Variants in RARB observed in about 807,000 individuals in gnomAD.
RARB encodes retinoic acid receptor beta.
Under a neutral mutation model 51.9 loss-of-function variants are expected in RARB, and 17 were observed. That is an observed-to-expected ratio of 0.33 (90% CI 0.22 to 0.49). RARB has a LOEUF of 0.49. Ranked by LOEUF, RARB falls within the 20% of genes least tolerant of loss-of-function variation. The pLI, the probability that RARB is intolerant of heterozygous loss-of-function variation, is 0.99. For missense variants in RARB, 369 were observed against 550.8 expected, an observed-to-expected ratio of 0.67 and a Z score of 3.30; for synonymous variants, 215 against 195.4, an observed-to-expected ratio of 1.10 and a Z score of -0.84.
At chr3:25,429,127 A>C (rs532834122) in intron 1 of RARB, among the ~76,000 whole-genome samples, 2 of 152,284 alleles carry the variant, frequency 1.3e-5, no homozygotes, top group South Asian at 2.1e-4. Context: ...CCAACCTTAT[A>C]GTCTCTTGAA....
chr3:25,571,009 G>A (rs573437121), intron 4 of RARB, among the ~76,000 whole-genome samples: 12 of 152,060 alleles, frequency 7.9e-5, no homozygotes, highest in African/African-American at 2.2e-4. Flanking sequence ...GGTGTAGTGC[G>A]CTAGGATGTT....
chr3:25,569,682 G>A, intron 3 of RARB, 76 bp from the exon 4 acceptor site: 2 of 1,493,586 alleles, frequency 1.3e-6, no homozygotes, highest in Admixed American at 2.1e-5. Flanking sequence ...GCAGCCTTGG[G>A]AGGTGGAACC....
chr3:25,239,863 C>A lies in RARB; in HGVS notation c.178+65288C>A, dbSNP rs374061202. ...TATTTTGACAGAGATTGCACTGAATCTGTAAGTTGCTTTGGGTAGTATCTT... is the reference window on the plus strand; with the variant it reads ...TATTTTGACAGAGATTGCACTGAATATGTAAGTTGCTTTGGGTAGTATCTT... On this transcript the variant is annotated intron_variant, in intron 5 of 11. Transcript: ENST00000383772. 1.2e-3 allele frequency among the ~76,000 whole-genome samples: 177 copies of A among 152,182 alleles called. 1 individual carries two copies. The highest frequency in any genetic ancestry group is 3.4e-3 in the Middle Eastern group (1 of 294).
At chr3:25,205,886 G>A (rs1701530979) in intron 5 of RARB, among the ~76,000 whole-genome samples, 1 of 151,966 alleles carries the variant, frequency 6.6e-6, no homozygotes, top group African/African-American at 2.4e-5. Context: ...TAGGACTACA[G>A]GCATGAGCCA....
chr3:25,221,417 A>G (rs548418526), intron 5 of RARB, among the ~76,000 whole-genome samples: 1 of 152,336 alleles, frequency 6.6e-6, no homozygotes, highest in East Asian at 1.9e-4. Flanking sequence ...CCACTGTGTC[A>G]GGCCCAGTAC....
chr3:25,364,227 C>G (rs552481233), intron 5 of RARB, among the ~76,000 whole-genome samples: 1 of 152,098 alleles, frequency 6.6e-6, no homozygotes, highest in African/African-American at 2.4e-5. Context: ...TGCTAAATCC[C>G]AAGTGCCTGG....
chr3:25,490,102 A>C (rs767224521), intron 2 of RARB, among the ~76,000 whole-genome samples: 3 of 152,192 alleles, frequency 2.0e-5, no homozygotes, highest in Non-Finnish European at 4.4e-5. Flanking sequence ...GTCAGACTTG[A>C]CTTAAATGTA....
chr3:25,430,440 T>C (rs1708155569), intron 1 of RARB, among the ~76,000 whole-genome samples: 1 of 152,210 alleles, frequency 6.6e-6, no homozygotes, highest in African/African-American at 2.4e-5. Context: ...AAAGTGGTAA[T>C]GAAACATGTT....
chr3:25,340,403 TAAA>T (rs1705193640), intron 5 of RARB, among the ~76,000 whole-genome samples: 3 of 152,186 alleles, frequency 2.0e-5, no homozygotes, highest in Admixed American at 6.6e-5. Context: ...CTGTTTTCTT[TAAA>T]ATTTTGAGTC....
rs373723552 is a variant in RARB at position 25,063,330 on chromosome 3, T to C, written c.-328+3154T>C. On this transcript the variant is annotated intron_variant, in intron 3 of 11. Transcript: ENST00000383772. ...TGATTTGAAGGTGTTATGTCTTCTG[T>C]ATCTCTTTGTAACTGAGAGATATCA... Among the ~76,000 whole-genome samples, 579 of 152,184 alleles carry C rather than the reference T, an allele frequency of 3.8e-3. 1 individual carries two copies. Among genetic ancestry groups the C allele is most frequent in the Middle Eastern group, 6.8e-3 (2 of 294 alleles).
intron 5 of RARB, among the ~76,000 whole-genome samples, chr3:25,382,355 T>C (rs1706653116): frequency 6.6e-6 from 1 of 152,212 alleles, no homozygotes; most frequent in South Asian, 2.1e-4. Flanking sequence ...TCAAAGTTGA[T>C]ACTCTTTAGG....
intron 2 of RARB, among the ~76,000 whole-genome samples, chr3:25,475,219 T>C (rs547779636): frequency 6.6e-6 from 1 of 152,306 alleles, no homozygotes; most frequent in South Asian, 2.1e-4. Context: ...CTTTGTTATT[T>C]GATTATTTTT....
chr3:25,260,878 A>G (rs1223906496), intron 5 of RARB, among the ~76,000 whole-genome samples: 1 of 152,148 alleles, frequency 6.6e-6, no homozygotes, highest in Non-Finnish European at 1.5e-5. Flanking sequence ...TGGCTCACGT[A>G]TGGAGAAAAT....
chr3:25,054,245 TG>T (rs1156634734), intron 2 of RARB, among the ~76,000 whole-genome samples: 3 of 150,392 alleles, frequency 2.0e-5, no homozygotes, highest in Admixed American at 6.6e-5. Flanking sequence ...TTCATTCAGA[TG>T]TTTTTTTGAC....
intron 2 of RARB, among the ~76,000 whole-genome samples, chr3:24,871,769 C>A (rs1238453095): frequency 6.6e-6 from 1 of 152,190 alleles, no homozygotes; most frequent in Non-Finnish European, 1.5e-5. Context: ...CCATGTATGG[C>A]TTCTCAGTTT....
At chr3:25,283,962 A>G (rs1436240) in intron 5 of RARB, among the ~76,000 whole-genome samples, 1 of 152,154 alleles carries the variant, frequency 6.6e-6, no homozygotes, top group African/African-American at 2.4e-5. Context: ...CTCCTAACAA[A>G]TAGCATAAGG....
At chr3:25,242,103 G>C (rs956881672) in intron 5 of RARB, among the ~76,000 whole-genome samples, 6 of 152,088 alleles carry the variant, frequency 3.9e-5, no homozygotes, top group African/African-American at 7.2e-5. Flanking sequence ...CCACATAAAT[G>C]TCTTCTTTTC....
intron 2 of RARB, among the ~76,000 whole-genome samples, chr3:24,908,157 G>T (rs889841951): frequency 7.2e-5 from 11 of 152,148 alleles, no homozygotes; most frequent in Non-Finnish European, 4.4e-5. Flanking sequence ...ATGATGGCCA[G>T]TGGAGAAAAA....
At chr3:25,586,329 C>T (rs551850638) in intron 5 of RARB, among the ~76,000 whole-genome samples, 3 of 152,130 alleles carry the variant, frequency 2.0e-5, no homozygotes, top group Non-Finnish European at 4.4e-5. Context: ...ATGACAGGTG[C>T]ATTTCCCAAA....
Sources: gnomAD v4.1 joint callset for allele counts (sites outside exome capture counted in the v4.1 genomes callset) on GRCh38, gnomAD v4.1.1 for gene constraint, MANE v1.5 for transcripts, NCBI Gene and HGNC (gene_info 2026-07-23, HGNC 2026-07-21) for gene names.